Variants in AGBL1 observed in about 807,000 individuals in gnomAD.
The protein encoded by AGBL1 is AGBL carboxypeptidase 1.
In AGBL1, 130 loss-of-function variants were observed where a neutral mutation model predicts 118.9. That is an observed-to-expected ratio of 1.09 (90% confidence interval 0.95 to 1.26). AGBL1 has a LOEUF of 1.26. AGBL1 is among the 50% of genes most tolerant of loss of function. The pLI is 0.00. For synonymous variants in AGBL1, 555 were observed against 478.9 expected (o/e 1.16, Z -2.08); for missense variants, 1,584 against 1,298.1 (o/e 1.22, Z -3.38).
intron 22 of AGBL1, among the ~76,000 whole-genome samples, chr15:86,870,922 T>C (rs1401408487): frequency 1.3e-5 from 2 of 152,198 alleles, no homozygotes; most frequent in Admixed American, 6.5e-5. Flanking sequence ...CAAGGGAATA[T>C]CTAAAGTACA....
chr15:86,897,897 G>A (rs1254506111), intron 22 of AGBL1, among the ~76,000 whole-genome samples: 1 of 149,916 alleles, frequency 6.7e-6, no homozygotes, highest in Non-Finnish European at 1.5e-5. Flanking sequence ...AGCCTCCTGA[G>A]TATCTAGCTG....
At chr15:86,435,865 T>C (rs866891107) in intron 18 of AGBL1, among the ~76,000 whole-genome samples, 2 of 152,196 alleles carry the variant, frequency 1.3e-5, no homozygotes, top group Non-Finnish European at 1.5e-5. Context: ...CAATACATCT[T>C]CAGCTATTGT....
chr15:86,698,947 T>C (rs142446740), intron 22 of AGBL1, among the ~76,000 whole-genome samples: 5 of 152,152 alleles, frequency 3.3e-5, no homozygotes, highest in African/African-American at 1.2e-4. Context: ...GGATTCCTCT[T>C]AGTAAGATGA....
chr15:86,647,267 A>G (rs984464577), intron 21 of AGBL1, among the ~76,000 whole-genome samples: 2 of 152,228 alleles, frequency 1.3e-5, no homozygotes, highest in Non-Finnish European at 2.9e-5. Context: ...AACATGGACA[A>G]TAAAATCACC....
At chr15:86,735,494 A>G (rs1027415125) in intron 22 of AGBL1, among the ~76,000 whole-genome samples, 13 of 151,610 alleles carry the variant, frequency 8.6e-5, no homozygotes, top group African/African-American at 3.2e-4. Context: ...GAAGATCATT[A>G]GAACATCTAT....
intron 6 of AGBL1, among the ~76,000 whole-genome samples, chr15:86,241,637 T>G (rs1014750178): frequency 2.0e-5 from 3 of 152,196 alleles, no homozygotes; most frequent in African/African-American, 7.2e-5. Context: ...AGCAGGACAC[T>G]GTGTGAAGCC....
At chr15:86,979,507 G>T (rs1030316630) in intron 23 of AGBL1, among the ~76,000 whole-genome samples, 1 of 151,876 alleles carries the variant, frequency 6.6e-6, no homozygotes, top group East Asian at 1.9e-4. Context: ...TGGCGGGGGG[G>T]AGATGGTGTC....
At chr15:86,714,409 G>C (rs1475353966) in intron 22 of AGBL1, among the ~76,000 whole-genome samples, 1 of 152,180 alleles carries the variant, frequency 6.6e-6, no homozygotes, top group East Asian at 1.9e-4. Flanking sequence ...CTATCAGTGG[G>C]AAATTAGCCT....
intron 22 of AGBL1, among the ~76,000 whole-genome samples, chr15:86,864,431 G>A (rs575407349): frequency 6.6e-6 from 1 of 152,250 alleles, no homozygotes; most frequent in East Asian, 1.9e-4. Flanking sequence ...CACACTATTA[G>A]TAATCTTATG....
At chr15:86,716,600 C>A (rs1025484755) in intron 22 of AGBL1, among the ~76,000 whole-genome samples, 29 of 152,118 alleles carry the variant, frequency 1.9e-4, no homozygotes, top group Non-Finnish European at 4.0e-4. Flanking sequence ...AAGAAAAAAG[C>A]TCACGGCTAT....
chr15:86,819,969 G>A (rs2078916699), intron 22 of AGBL1, among the ~76,000 whole-genome samples: 1 of 152,046 alleles, frequency 6.6e-6, no homozygotes, highest in Admixed American at 6.6e-5. Flanking sequence ...ACAGAACAGA[G>A]GCCTCAGAAA....
chr15:86,833,000 C>T (rs2079126444), intron 22 of AGBL1, among the ~76,000 whole-genome samples: 1 of 152,122 alleles, frequency 6.6e-6, no homozygotes, highest in African/African-American at 2.4e-5. Context: ...GGAACAAAGT[C>T]ATGTCTTACA....
chr15:86,366,928 C>T (rs1001208345), intron 17 of AGBL1, among the ~76,000 whole-genome samples: 6 of 152,174 alleles, frequency 3.9e-5, no homozygotes, highest in East Asian at 1.9e-4. Context: ...CTGCGACACC[C>T]GGGCTTGTGG....
At chr15:86,332,510 G>A (rs1259041869) in intron 17 of AGBL1, among the ~76,000 whole-genome samples, 1 of 152,036 alleles carries the variant, frequency 6.6e-6, no homozygotes, top group Non-Finnish European at 1.5e-5. Flanking sequence ...GCTGGGCGTG[G>A]CAACAGGCGC....
chr15:86,423,716 A>G (rs1258674631), intron 18 of AGBL1, among the ~76,000 whole-genome samples: 2 of 152,192 alleles, frequency 1.3e-5, no homozygotes, highest in Non-Finnish European at 2.9e-5. Flanking sequence ...ATGTGTGAAA[A>G]TCACAAACAT....
intron 18 of AGBL1, among the ~76,000 whole-genome samples, chr15:86,419,370 C>T (rs2142021299): frequency 6.6e-6 from 1 of 152,218 alleles, no homozygotes; most frequent in South Asian, 2.1e-4. Flanking sequence ...CAGGAAACTC[C>T]CTCGTAGCCA....
At chr15:86,666,197 A>G (rs1031401333) in intron 21 of AGBL1, among the ~76,000 whole-genome samples, 1 of 152,014 alleles carries the variant, frequency 6.6e-6, no homozygotes, top group Non-Finnish European at 1.5e-5. Flanking sequence ...ATTTATTTAG[A>G]TGTTCCTTGC....
intron 1 of AGBL1, among the ~76,000 whole-genome samples, chr15:86,084,788 A>G (rs574900244): frequency 8.5e-5 from 13 of 152,050 alleles, no homozygotes; most frequent in Non-Finnish European, 1.8e-4. Flanking sequence ...GATGTTTTCA[A>G]TATCCATCTA....
intron 5 of AGBL1, among the ~76,000 whole-genome samples, chr15:86,218,435 A>C (rs1219855521): frequency 6.6e-6 from 1 of 152,190 alleles, no homozygotes; most frequent in Non-Finnish European, 1.5e-5. Flanking sequence ...GGTGGGGGAC[A>C]GACTCTCAGG....
Sources: gnomAD v4.1 joint callset for allele counts (sites outside exome capture counted in the v4.1 genomes callset) on GRCh38, gnomAD v4.1.1 for gene constraint, MANE v1.5 for transcripts, NCBI Gene and HGNC (gene_info 2026-07-23, HGNC 2026-07-21) for gene names.